Variants in CNTLN observed in about 807,000 individuals in gnomAD.
CNTLN encodes the protein centlein, centrosomal protein.
CNTLN carries 212 observed loss-of-function variants against 180.0 expected under a neutral mutation model. The observed-to-expected ratio is 1.18, with a 90% CI of 1.05 to 1.32. CNTLN has a LOEUF of 1.32. Among genes scored for constraint, CNTLN ranks in the 40% most tolerant of loss-of-function variants. CNTLN has a pLI of 0.00. For synonymous variants in CNTLN, 722 were observed against 563.1 expected (o/e 1.28, Z -3.99); for missense variants, 2,095 against 1,610.9 (o/e 1.30, Z -5.14).
intron 19 of CNTLN, among the ~76,000 whole-genome samples, chr9:17,458,907 T>C (rs1346476489): frequency 1.3e-5 from 2 of 151,792 alleles, no homozygotes; most frequent in Non-Finnish European, 2.9e-5. Context: ...TCTCTGAAAA[T>C]GTGGGATAAA....
chr9:17,245,640 A>G (rs1004026842), intron 5 of CNTLN, among the ~76,000 whole-genome samples: 4 of 151,260 alleles, frequency 2.6e-5, no homozygotes, highest in African/African-American at 4.9e-5. Flanking sequence ...TTCTAGCCTG[A>G]CCTCTCTCTA....
At chr9:17,410,099 G>A (rs1460700804) in intron 16 of CNTLN, among the ~76,000 whole-genome samples, 3 of 152,026 alleles carry the variant, frequency 2.0e-5, no homozygotes, top group Non-Finnish European at 2.9e-5. Flanking sequence ...TTGGAGGAAA[G>A]GTCTTCTTTA....
At chr9:17,194,733 C>T (rs925273628) in intron 2 of CNTLN, among the ~76,000 whole-genome samples, 1 of 152,128 alleles carries the variant, frequency 6.6e-6, no homozygotes, top group South Asian at 2.1e-4. Context: ...TTTTAAGCAA[C>T]CCCCCACTCT....
At chr9:17,523,237 C>T in the CNTLN span, among the ~76,000 whole-genome samples, 56 of 152,128 alleles carry the variant, frequency 3.7e-4, no homozygotes, top group African/African-American at 1.3e-3. Context: ...TGGACTTATA[C>T]ATACGTTTTT....
At chr9:17,221,048 C>T (rs897088316) in intron 2 of CNTLN, among the ~76,000 whole-genome samples, 1 of 152,052 alleles carries the variant, frequency 6.6e-6, no homozygotes, top group African/African-American at 2.4e-5. Context: ...GTAGTTAATG[C>T]TTTGACTTTC....
chr9:17,467,646 A>G (rs911596981), intron 23 of CNTLN, among the ~76,000 whole-genome samples: 2 of 151,768 alleles, frequency 1.3e-5, no homozygotes, highest in Admixed American at 6.6e-5. Flanking sequence ...AGGATCCTAA[A>G]TGATTGCAAA....
At chr9:17,291,658 G>A (rs960144555) in intron 6 of CNTLN, among the ~76,000 whole-genome samples, 1 of 151,978 alleles carries the variant, frequency 6.6e-6, no homozygotes, top group Non-Finnish European at 1.5e-5. Flanking sequence ...CATTTGCTTG[G>A]TATATTTTCC....
chr9:17,308,311 A>T lies in CNTLN; in HGVS notation c.1147-747A>T, dbSNP rs186762011. Among the ~76,000 whole-genome samples, 3 of 152,036 alleles carry T rather than the reference A, an allele frequency of 2.0e-5. No homozygotes were observed. The South Asian group carries it at 6.2e-4, about 32-fold the overall frequency. ...AATAAGTCTTCAAAATATTGCTTCT[A>T]TTTTTTCACAGTTTAAGGTTTTCAG... On this transcript the variant is annotated intron_variant, in intron 7 of 25. Transcript: ENST00000380647.
chr9:17,194,146 G>C (rs143381888), intron 2 of CNTLN, among the ~76,000 whole-genome samples: 2 of 152,156 alleles, frequency 1.3e-5, no homozygotes, highest in African/African-American at 4.8e-5. Context: ...GATGGGAGGG[G>C]CTGCTGTGAA....
chr9:17,278,689 A>C (rs760377070), intron 6 of CNTLN, among the ~76,000 whole-genome samples: 3 of 152,152 alleles, frequency 2.0e-5, no homozygotes, highest in Non-Finnish European at 4.4e-5. Flanking sequence ...TGCTATAGTT[A>C]TTTTGGTATA....
chr9:17,264,801 G>A (rs201004223), intron 5 of CNTLN, among the ~76,000 whole-genome samples: 26,983 of 145,882 alleles, frequency 0.18, 519 homozygotes, highest in East Asian at 0.31. Flanking sequence ...TCTTTGAAGC[G>A]ATTGTGAATG....
chr9:17,203,269 T>C (rs1234908287), intron 2 of CNTLN, among the ~76,000 whole-genome samples: 1 of 152,210 alleles, frequency 6.6e-6, no homozygotes, highest in Admixed American at 6.5e-5. Flanking sequence ...GCACTTAACA[T>C]TTTTTCCTTC....
chr9:17,153,150 C>T (rs1819014468), intron 2 of CNTLN, among the ~76,000 whole-genome samples: 1 of 152,120 alleles, frequency 6.6e-6, no homozygotes, highest in Non-Finnish European at 1.5e-5. Context: ...GCACTTAGCC[C>T]GTTTACATTT....
At chr9:17,513,203 T>C in the CNTLN span, among the ~76,000 whole-genome samples, 2 of 152,270 alleles carry the variant, frequency 1.3e-5, no homozygotes, top group East Asian at 3.9e-4. Flanking sequence ...TTTTGACTCT[T>C]TTAAACCATC....
At chr9:17,332,197 A>G (rs1820690600) in intron 9 of CNTLN, among the ~76,000 whole-genome samples, 1 of 151,748 alleles carries the variant, frequency 6.6e-6, no homozygotes, top group Non-Finnish European at 1.5e-5. Context: ...ACAGTGTGTT[A>G]AACTATTTCA....
intron 13 of CNTLN, among the ~76,000 whole-genome samples, chr9:17,384,971 G>C (rs1825575047): frequency 1.3e-5 from 2 of 152,176 alleles, no homozygotes; most frequent in South Asian, 4.1e-4. Flanking sequence ...TTAGATCCCA[G>C]TCACAAGTCC....
At chr9:17,527,606 T>A in the CNTLN span, among the ~76,000 whole-genome samples, 676 of 152,090 alleles carry the variant, frequency 4.4e-3, 8 homozygotes, top group African/African-American at 0.015. Flanking sequence ...AGGAGAGTGA[T>A]GTGTGTGGTA....
chr9:17,187,898 G>C (rs750776494), intron 2 of CNTLN, among the ~76,000 whole-genome samples: 6 of 150,904 alleles, frequency 4.0e-5, no homozygotes, highest in Non-Finnish European at 8.9e-5. Context: ...CTCCAGCTTT[G>C]TGTGAGTTTT....
chr9:17,490,984 A>G (rs1242160573), intron 25 of CNTLN, among the ~76,000 whole-genome samples: 1 of 152,038 alleles, frequency 6.6e-6, no homozygotes, highest in African/African-American at 2.4e-5. Context: ...GAGATGTACT[A>G]CCTTTATATT....
Sources: allele counts gnomAD v4.1 joint callset (sites outside exome capture counted in the v4.1 genomes callset), GRCh38; gene constraint gnomAD v4.1.1; transcripts MANE v1.5; gene names NCBI Gene and HGNC (gene_info 2026-07-23, HGNC 2026-07-21).